EDA: variants seen among roughly 807,000 people sequenced by gnomAD.
The protein encoded by EDA is ectodysplasin A, also known as ectodysplasin-A.
In EDA, 2 loss-of-function variants were observed where a neutral mutation model predicts 23.6. The ratio of observed to expected loss-of-function variants is 0.08; its 90% confidence interval spans 0.03 to 0.27. EDA has a LOEUF of 0.27. Ranked by LOEUF, EDA falls within the 10% of genes least tolerant of loss-of-function variation. The pLI is 1.00. For synonymous variants in EDA, 131 were observed against 132.0 expected (o/e 0.99, Z 0.05); for missense variants, 229 against 324.2 (o/e 0.71, Z 2.26).
chrX:69,679,767 C>A (rs1188032733), intron 1 of EDA, among the ~76,000 whole-genome samples: 4 of 110,885 alleles, frequency 3.6e-5, no homozygotes, highest in African/African-American at 1.3e-4. Context: ...TTTTCAAAAA[C>A]CCAGCTCCTG....
At chrX:69,812,239 A>G (rs182937194) in intron 1 of EDA, among the ~76,000 whole-genome samples, 11 of 112,181 alleles carry the variant, frequency 9.8e-5, no homozygotes, top group Non-Finnish European at 7.5e-5. Flanking sequence ...ATTAAGATGT[A>G]GTAGTGATAT....
intron 1 of EDA, among the ~76,000 whole-genome samples, chrX:69,756,422 G>A (rs1304999769): frequency 3.6e-5 from 4 of 111,483 alleles, no homozygotes; most frequent in East Asian, 2.8e-4. Context: ...AGTTGGATCA[G>A]GGTAGTAATT....
intron 1 of EDA, among the ~76,000 whole-genome samples, chrX:69,741,368 G>A (rs2013455621): frequency 9.0e-6 from 1 of 111,007 alleles, no homozygotes; most frequent in Admixed American, 9.5e-5. Flanking sequence ...TGTTGTTATT[G>A]TTTGCTAGTT....
At chrX:69,662,107 C>G (rs1348489038) in intron 1 of EDA, among the ~76,000 whole-genome samples, 2 of 111,455 alleles carry the variant, frequency 1.8e-5, no homozygotes, top group Non-Finnish European at 3.8e-5. Context: ...ATCCTCTGAC[C>G]TACATACATC....
chrX:69,640,418 G>A (rs1221864650), intron 1 of EDA, among the ~76,000 whole-genome samples: 1 of 111,780 alleles, frequency 8.9e-6, no homozygotes, highest in Non-Finnish European at 1.9e-5. Context: ...TCTATTAATT[G>A]TAGAACTCCT....
At chrX:69,616,803 C>T (rs1931978187) in intron 1 of EDA, 99 bp downstream of exon 1, 1 of 1,091,459 alleles carries the variant, frequency 9.2e-7, no homozygotes, top group Non-Finnish European at 1.3e-6. Context: ...AACCTCGAGC[C>T]AATTTAGAGG....
Position 69,676,508 on chromosome X carries a change from G to A in EDA, c.396+59804G>A, listed in dbSNP as rs190329139. Among the ~76,000 whole-genome samples the A allele has an allele frequency of 8.3e-3, 902 of 108,686 alleles. 8 individuals carry two copies. The highest frequency in any genetic ancestry group is 0.029 in the African/African-American group (844 of 28,717). The allele number at this position is 108,686 out of a possible 115,157, so 94.4% of individuals were successfully genotyped here. ...TCTGTGTGTGTGTGTGTGTGCGCGC[G>A]CGCACGTGTGCTTGTGTGTGTGTGT... On this transcript the variant is annotated intron_variant, in intron 1 of 7. Coordinates refer to ENST00000374552, the MANE Select transcript of EDA (RefSeq NM_001399.5).
intron 1 of EDA, among the ~76,000 whole-genome samples, chrX:69,773,145 A>G (rs1168066435): frequency 8.9e-6 from 1 of 112,355 alleles, no homozygotes; most frequent in Non-Finnish European, 1.9e-5. Context: ...TAGACATTTC[A>G]TATTAATGGA....
chrX:69,723,023 C>A lies in EDA; in HGVS notation c.396+106319C>A, dbSNP rs745613687. Reference sequence around the variant, plus strand: ...GCTTTCTTTTGATACTTATCTTTTTCTCCATCTTTATAATTGTACAGTCAT... The same window carrying A: ...GCTTTCTTTTGATACTTATCTTTTTATCCATCTTTATAATTGTACAGTCAT... On this transcript the variant is annotated intron_variant, in intron 1 of 7. Transcript: ENST00000374552. Among the ~76,000 whole-genome samples, 15 of 112,053 alleles carry A rather than the reference C, an allele frequency of 1.3e-4. No individual in the cohort carries two copies. In the Admixed American group the frequency reaches 1.4e-3, roughly 11 times the overall value.
At chrX:69,729,211 C>T (rs145380637) in intron 1 of EDA, 2 of 111,334 alleles carry the variant, frequency 1.8e-5, no homozygotes, top group African/African-American at 6.5e-5. Context: ...TTCCTACTCC[C>T]ATACCTATTC....
At chrX:69,704,290 T>A (rs184837870) in intron 1 of EDA, among the ~76,000 whole-genome samples, 4 of 111,951 alleles carry the variant, frequency 3.6e-5, no homozygotes. Flanking sequence ...AGTTATTATC[T>A]AAAGACCTGG....
intron 1 of EDA, among the ~76,000 whole-genome samples, chrX:69,751,148 A>C (rs1327834490): frequency 9.2e-6 from 1 of 108,964 alleles, no homozygotes; most frequent in Non-Finnish European, 1.9e-5. Context: ...TAGGGGTTTT[A>C]TGGTTTTAGG....
At chrX:69,905,541 T>C (rs772599073) in intron 1 of EDA, among the ~76,000 whole-genome samples, 3 of 111,505 alleles carry the variant, frequency 2.7e-5, no homozygotes, top group South Asian at 3.8e-4. Context: ...AGCCTCTTCA[T>C]TGGGCCATGA....
chrX:70,022,967 A>C, intron 2 of EDA: 1 of 257,092 alleles, frequency 3.9e-6, no homozygotes, highest in Non-Finnish European at 7.3e-6. Flanking sequence ...CCATTCCCTC[A>C]CCCCAAAGAC....
chrX:69,770,411 A>C (rs1438177961), intron 1 of EDA, among the ~76,000 whole-genome samples: 2 of 111,842 alleles, frequency 1.8e-5, no homozygotes, highest in Non-Finnish European at 3.8e-5. Context: ...GTTGTCACTC[A>C]TTTTTATTTT....
At chrX:69,689,658 A>T (rs1934651010) in intron 1 of EDA, among the ~76,000 whole-genome samples, 1 of 110,639 alleles carries the variant, frequency 9.0e-6, no homozygotes, top group Admixed American at 9.7e-5. Flanking sequence ...CTTTATCAAG[A>T]TTGGTTTTGG....
At chrX:69,711,310 T>C (rs2012017566) in intron 1 of EDA, among the ~76,000 whole-genome samples, 1 of 111,743 alleles carries the variant, frequency 8.9e-6, no homozygotes, top group Admixed American at 9.5e-5. Flanking sequence ...GATTTGTCTA[T>C]GTTGAACCAG....
intron 1 of EDA, among the ~76,000 whole-genome samples, chrX:69,654,348 A>C (rs552961874): frequency 1.8e-5 from 2 of 111,262 alleles, no homozygotes; most frequent in Non-Finnish European, 3.8e-5. Flanking sequence ...CACTGTTGGT[A>C]GGACTGTAAA....
At chrX:69,791,388 A>T (rs1602413332) in intron 1 of EDA, among the ~76,000 whole-genome samples, 1 of 111,399 alleles carries the variant, frequency 9.0e-6, no homozygotes, top group East Asian at 2.8e-4. Context: ...AAATACAAAA[A>T]AATTTGAGAC....
Sources: allele counts gnomAD v4.1 joint callset (sites outside exome capture counted in the v4.1 genomes callset), GRCh38; gene constraint gnomAD v4.1.1; transcripts MANE v1.5; gene names NCBI Gene and HGNC (gene_info 2026-07-23, HGNC 2026-07-21).